The following RGS6 variants were observed in gnomAD, a reference collection of about 807,000 sequenced individuals.
The protein encoded by RGS6 is regulator of G-protein signaling 6.
A neutral mutation model predicts 78.5 loss-of-function variants in RGS6; 30 were observed. The ratio of observed to expected loss-of-function variants is 0.38; its 90% CI spans 0.29 to 0.52. The LOEUF is 0.52. RGS6 is among the 20% of genes least tolerant of loss of function. The pLI is 0.85. For missense variants in RGS6, 495 were observed against 609.7 expected, an observed-to-expected ratio of 0.81 and a Z score of 1.98; for synonymous variants, 206 against 206.0, an observed-to-expected ratio of 1.00 and a Z score of 0.00.
At chr14:72,135,231 G>T (rs1292461822) in intron 2 of RGS6, among the ~76,000 whole-genome samples, 2 of 152,128 alleles carry the variant, frequency 1.3e-5, no homozygotes, top group Non-Finnish European at 2.9e-5. Flanking sequence ...TTTAACACAT[G>T]GTCACAAAAA....
At chr14:72,092,613 C>T (rs1176629599) in intron 2 of RGS6, among the ~76,000 whole-genome samples, 2 of 152,144 alleles carry the variant, frequency 1.3e-5, no homozygotes, top group African/African-American at 2.4e-5. Flanking sequence ...AACTCCTGAC[C>T]TCAGGTGATC....
chr14:72,223,743 G>T (rs1259429821), intron 2 of RGS6, among the ~76,000 whole-genome samples: 4 of 152,212 alleles, frequency 2.6e-5, no homozygotes, highest in Non-Finnish European at 5.9e-5. Context: ...CCAGAAGGGG[G>T]TTTTTGCATG....
At chr14:72,038,823 G>A (rs1411576568) in intron 2 of RGS6, among the ~76,000 whole-genome samples, 2 of 152,112 alleles carry the variant, frequency 1.3e-5, no homozygotes, top group Non-Finnish European at 2.9e-5. Context: ...TATTTCTTGG[G>A]ATTTTTCATG....
At chr14:72,629,526 CAGGGGCCTA>C in the RGS6 span, 1 of 1,197,428 alleles carries the variant, frequency 8.4e-7, no homozygotes, top group Non-Finnish European at 1.2e-6. Flanking sequence ...TAACAGGCCC[CAGGGGCCTA>C]GTGACAAGAG....
rs1464621687 is a variant in RGS6 at position 72,166,152 on chromosome 14, A to C, written c.85-185943A>C. Reference sequence around the variant, plus strand: ...CACACACACACAGACTGACTTTGTTATTCCTTACTGGTTTTTACTGATGGT... The same window carrying C: ...CACACACACACAGACTGACTTTGTTCTTCCTTACTGGTTTTTACTGATGGT... On this transcript the variant is annotated intron_variant, in intron 2 of 17. Transcript: ENST00000553525. 3.3e-5 allele frequency among the ~76,000 whole-genome samples: 5 copies of C among 150,472 alleles called. 1 individual carries two copies. The East Asian group carries it at 7.8e-4, about 23-fold the overall frequency.
intron 2 of RGS6, among the ~76,000 whole-genome samples, chr14:72,255,050 T>A (rs2056774062): frequency 6.6e-6 from 1 of 152,186 alleles, no homozygotes; most frequent in Non-Finnish European, 1.5e-5. Context: ...CACAGCAGGC[T>A]GTGCTGGGCC....
chr14:72,324,249 C>A (rs1304072417), intron 2 of RGS6, among the ~76,000 whole-genome samples: 1 of 151,928 alleles, frequency 6.6e-6, no homozygotes, highest in African/African-American at 2.4e-5. Flanking sequence ...TCAGTCTATT[C>A]AAAAATGTTA....
intron 3 of RGS6, among the ~76,000 whole-genome samples, chr14:72,364,595 A>G (rs954342540): frequency 3.9e-5 from 6 of 152,224 alleles, no homozygotes. Context: ...TCTCTTCTCT[A>G]TTGGGACCCC....
intron 14 of RGS6, 54 bp downstream of exon 14, chr14:72,510,333 T>A: frequency 6.2e-7 from 1 of 1,606,630 alleles, no homozygotes; most frequent in Non-Finnish European, 8.5e-7. Flanking sequence ...GAAATTTGCA[T>A]AATCGGTCTC....
At chr14:72,481,696 G>A (rs1173396739) in intron 12 of RGS6, among the ~76,000 whole-genome samples, 1 of 152,020 alleles carries the variant, frequency 6.6e-6, no homozygotes, top group African/African-American at 2.4e-5. Context: ...AACACAAAAG[G>A]CTTTCTGAGC....
intron 17 of RGS6, chr14:72,541,613 G>A (rs2097328472): frequency 6.5e-7 from 1 of 1,535,492 alleles, no homozygotes; most frequent in South Asian, 1.2e-5. Flanking sequence ...ATGATGGCCT[G>A]AGAGAAGGTA....
At chr14:72,321,644 A>C (rs2152517104) in intron 2 of RGS6, among the ~76,000 whole-genome samples, 1 of 152,186 alleles carries the variant, frequency 6.6e-6, no homozygotes, top group South Asian at 2.1e-4. Flanking sequence ...ATCATTCACA[A>C]GGAAGATCTA....
At chr14:71,944,897 A>G (rs1396439787) in intron 1 of RGS6, among the ~76,000 whole-genome samples, 2 of 152,220 alleles carry the variant, frequency 1.3e-5, no homozygotes, top group Non-Finnish European at 2.9e-5. Flanking sequence ...CTCCTAGGCT[A>G]CAAACTGTGC....
intron 2 of RGS6, among the ~76,000 whole-genome samples, chr14:71,993,425 A>T (rs1318736999): frequency 6.6e-6 from 1 of 152,230 alleles, no homozygotes; most frequent in Non-Finnish European, 1.5e-5. Context: ...AATAATAATG[A>T]AATGAATAGT....
At chr14:72,087,421 G>A (rs902171243) in intron 2 of RGS6, among the ~76,000 whole-genome samples, 1 of 151,962 alleles carries the variant, frequency 6.6e-6, no homozygotes, top group African/African-American at 2.4e-5. Flanking sequence ...ATGAGCCACC[G>A]CACCTGGCCG....
chr14:72,473,446 G>C (rs2096147015), intron 9 of RGS6, among the ~76,000 whole-genome samples: 1 of 151,604 alleles, frequency 6.6e-6, no homozygotes, highest in Non-Finnish European at 1.5e-5. Flanking sequence ...TCCATCTCTG[G>C]GGAAAAAAAA....
intron 3 of RGS6, among the ~76,000 whole-genome samples, chr14:72,354,231 G>T (rs551768942): frequency 6.6e-6 from 1 of 152,210 alleles, no homozygotes; most frequent in Middle Eastern, 3.4e-3. Context: ...AGTTCTGGAG[G>T]CTGGAAGTCT....
chr14:72,086,712 G>C (rs1444225698), intron 2 of RGS6, among the ~76,000 whole-genome samples: 1 of 152,204 alleles, frequency 6.6e-6, no homozygotes, highest in Non-Finnish European at 1.5e-5. Flanking sequence ...TGCTGAGCAG[G>C]AGATTTATGG....
At chr14:71,980,658 A>AG (rs1196831439) in intron 2 of RGS6, among the ~76,000 whole-genome samples, 7 of 81,320 alleles carry the variant, frequency 8.6e-5, no homozygotes, top group African/African-American at 4.0e-4. Context: ...CTTCCCTTTG[A>AG]GGGTAACCCG....
Sources: gnomAD v4.1 joint callset for allele counts (sites outside exome capture counted in the v4.1 genomes callset) on GRCh38, gnomAD v4.1.1 for gene constraint, MANE v1.5 for transcripts, NCBI Gene and HGNC (gene_info 2026-07-23, HGNC 2026-07-21) for gene names.